The following SYN3 variants were observed in gnomAD, a reference collection of about 807,000 sequenced individuals.
The protein encoded by SYN3 is synapsin-3.
Under a neutral mutation model 65.8 loss-of-function variants are expected in SYN3, and 35 were observed. The observed-to-expected ratio is 0.53, with a 90% CI of 0.41 to 0.70. The LOEUF is 0.70. SYN3 is among the 30% of genes least tolerant of loss of function. The pLI is 0.00. For missense variants in SYN3, 680 were observed against 749.0 expected, an observed-to-expected ratio of 0.91 and a Z score of 1.08; for synonymous variants, 270 against 292.9, an observed-to-expected ratio of 0.92 and a Z score of 0.80.
intron 6 of SYN3, among the ~76,000 whole-genome samples, chr22:32,656,692 GTTT>G (rs1412590868): frequency 6.6e-6 from 1 of 152,198 alleles, no homozygotes; most frequent in Admixed American, 6.5e-5. Context: ...GCAGGACATA[GTTT>G]TTTGTTGTTG....
At position 32,615,432 on chromosome 22, in the gene SYN3, TA is replaced by T. The variant is rs1190319833; in HGVS notation, c.712-18697del. The stretch of plus-strand genomic sequence containing the variant: ...CTGGGCGTCAGAGCAAGACTTCATC[TA>T]AAAAAAAAAAAAAAAAAAGAAAAAA... On this transcript the variant is annotated intron_variant, in intron 6 of 13. Coordinates refer to ENST00000358763, the MANE Select transcript of SYN3 (RefSeq NM_003490.4). Among the ~76,000 whole-genome samples the T allele has an allele frequency of 2.8e-3, 210 of 74,400 alleles. 1 individual carries two copies. The highest frequency in any genetic ancestry group is 9.2e-3 in the East Asian group (26 of 2,812). 48.8% of individuals were successfully genotyped at this position (74,400 alleles called of 152,430 possible). A position where few individuals can be genotyped will look rare whatever the true frequency, so the allele number is the denominator to read the frequency against.
chr22:32,682,723 C>A (rs745781427), intron 6 of SYN3, among the ~76,000 whole-genome samples: 8 of 149,750 alleles, frequency 5.3e-5, no homozygotes, highest in Non-Finnish European at 7.4e-5. Flanking sequence ...TATTGCACAG[C>A]GTTTGACGAA....
chr22:32,867,913 G>C (rs2048730367), intron 5 of SYN3, among the ~76,000 whole-genome samples: 1 of 152,208 alleles, frequency 6.6e-6, no homozygotes, highest in Admixed American at 6.5e-5. Context: ...TTTCTTACAG[G>C]TAACATTTGG....
chr22:32,590,973 G>A lies in SYN3; in HGVS notation c.774+5701C>T, dbSNP rs986618687. Among the ~76,000 whole-genome samples, 5 of 152,240 alleles carry A rather than the reference G, an allele frequency of 3.3e-5. No individual in the cohort carries two copies. The East Asian group carries it at 5.8e-4, about 18-fold the overall frequency. ...AGGTCTGAACATTCTTAATAATGAC[G>A]GGCCATATTTCTGGTGTGCCCACTT... On this transcript the variant is annotated intron_variant, in intron 7 of 13. Coordinates refer to ENST00000358763, the MANE Select transcript of SYN3 (RefSeq NM_003490.4).
chr22:33,052,732 T>C (rs942939283), intron 1 of SYN3, among the ~76,000 whole-genome samples: 3 of 152,182 alleles, frequency 2.0e-5, no homozygotes, highest in African/African-American at 7.2e-5. Flanking sequence ...ACATCATCGG[T>C]CAGCACCGTC....
At chr22:32,708,382 G>A (rs1220675201) in intron 6 of SYN3, among the ~76,000 whole-genome samples, 1 of 152,162 alleles carries the variant, frequency 6.6e-6, no homozygotes, top group African/African-American at 2.4e-5. Flanking sequence ...TTCCCACCAC[G>A]ATGTAGTAGG....
At chr22:32,554,085 G>A (rs1041040064) in intron 7 of SYN3, among the ~76,000 whole-genome samples, 12 of 152,264 alleles carry the variant, frequency 7.9e-5, no homozygotes, top group East Asian at 5.8e-4. Flanking sequence ...CAAAATCTCC[G>A]GAGGTACCAG....
chr22:32,636,240 C>G (rs2710348), intron 6 of SYN3, among the ~76,000 whole-genome samples: 2 of 150,758 alleles, frequency 1.3e-5, no homozygotes, highest in Non-Finnish European at 3.0e-5. Context: ...TCTCTACTAA[C>G]AACACAAAAA....
intron 6 of SYN3, among the ~76,000 whole-genome samples, chr22:32,664,584 C>CGTTTTTT: frequency 1.4e-5 from 1 of 69,056 alleles, no homozygotes; most frequent in African/African-American, 7.4e-5. Context: ...CAATTGGTCG[C>CGTTTTTT]TTTTTTTTTT....
At chr22:32,780,060 T>A (rs1435213336) in intron 6 of SYN3, among the ~76,000 whole-genome samples, 1 of 4,410 alleles carries the variant, frequency 2.3e-4, no homozygotes, top group African/African-American at 1.0e-3. Flanking sequence ...CAGAGTGAGA[T>A]TCTGTCTCAA....
chr22:33,036,678 C>CT (rs133977), intron 1 of SYN3, among the ~76,000 whole-genome samples: 1,449 of 99,446 alleles, frequency 0.015, 227 homozygotes, highest in African/African-American at 0.054. Flanking sequence ...AGCCCAAGTT[C>CT]TTTTTTTTTT....
chr22:33,021,100 C>G (rs994477870), intron 1 of SYN3, among the ~76,000 whole-genome samples: 1 of 152,044 alleles, frequency 6.6e-6, no homozygotes, highest in Non-Finnish European at 1.5e-5. Context: ...GTTTGGAAGG[C>G]AACACGGCAG....
chr22:32,633,287 T>G (rs551378176), intron 6 of SYN3, among the ~76,000 whole-genome samples: 1 of 152,214 alleles, frequency 6.6e-6, no homozygotes, highest in Non-Finnish European at 1.5e-5. Context: ...TTATCCTGAT[T>G]TTTGAGCGGA....
intron 6 of SYN3, among the ~76,000 whole-genome samples, chr22:32,653,096 T>C (rs2060095521): frequency 6.6e-6 from 1 of 152,204 alleles, no homozygotes; most frequent in Non-Finnish European, 1.5e-5. Context: ...CACAGGCACA[T>C]GCATTTGTCA....
At position 32,776,505 on chromosome 22, in the gene SYN3, CAGAGA is replaced by C. The variant is rs530278793; in HGVS notation, c.711+88405_711+88409del. 4.6e-3 allele frequency among the ~76,000 whole-genome samples: 695 copies of C among 152,294 alleles called. 2 individuals are homozygous for C. Among genetic ancestry groups the C allele is most frequent in the Admixed American group, 0.011 (164 of 15,300 alleles). ...ATTTTACAGATTAAGAATTGCCACC[CAGAGA>C]AGTGATGTAGCTTGCCTAAGGTCAC... On this transcript the variant is annotated intron_variant, in intron 6 of 13. Transcript: ENST00000358763.
intron 6 of SYN3, among the ~76,000 whole-genome samples, chr22:32,834,670 G>A (rs967477082): frequency 2.6e-5 from 4 of 152,214 alleles, no homozygotes; most frequent in Admixed American, 6.5e-5. Context: ...GCAGGCATGT[G>A]CAGTTTATCA....
chr22:32,770,675 C>G (rs897089748), intron 6 of SYN3, among the ~76,000 whole-genome samples: 1 of 152,112 alleles, frequency 6.6e-6, no homozygotes, highest in Admixed American at 6.5e-5. Context: ...CTACATGGTT[C>G]CTGACATTCC....
intron 6 of SYN3, among the ~76,000 whole-genome samples, chr22:32,856,301 G>T (rs1470942110): frequency 6.6e-6 from 1 of 152,126 alleles, no homozygotes; most frequent in Non-Finnish European, 1.5e-5. Context: ...GGAGTGTTGT[G>T]GGGCAGTTGG....
rs780963197 is a variant in SYN3, at chr22:32,859,099, G to T, written c.711+5816C>A. ...AGGCTTCCCATGCAGTGGCCCCAGG[G>T]TCTGAATCCAGGCTCGGTAGCCTCA... On this transcript the variant is annotated intron_variant, in intron 6 of 13. Coordinates refer to ENST00000358763, the MANE Select transcript of SYN3 (RefSeq NM_003490.4). 10 of 1,443,818 alleles carry T rather than the reference G, an allele frequency of 6.9e-6. No individual in the cohort carries two copies. In the East Asian group the frequency reaches 1.8e-4, roughly 26 times the overall value. 89.4% of individuals were successfully genotyped at this position (1,443,818 alleles called of 1,614,324 possible).
Sources: gnomAD v4.1 joint callset for allele counts (sites outside exome capture counted in the v4.1 genomes callset) on GRCh38, gnomAD v4.1.1 for gene constraint, MANE v1.5 for transcripts, NCBI Gene and HGNC (gene_info 2026-07-23, HGNC 2026-07-21) for gene names.